Variants in RPS6KC1 observed in about 807,000 individuals in gnomAD.
RPS6KC1 encodes ribosomal protein S6 kinase C1.
In RPS6KC1, 54 loss-of-function variants were observed where a neutral mutation model predicts 103.8. That is an observed-to-expected ratio of 0.52 (90% confidence interval 0.42 to 0.65). RPS6KC1 has a LOEUF of 0.65. Ranked by LOEUF, RPS6KC1 falls within the 30% of genes least tolerant of loss-of-function variation. The pLI, the probability that RPS6KC1 is intolerant of heterozygous loss-of-function variation, is 0.00. For synonymous variants in RPS6KC1, 439 were observed against 438.7 expected (o/e 1.00, Z -0.01); for missense variants, 1,151 against 1,253.8 (o/e 0.92, Z 1.24).
At chr1:213,338,767 G>A in the RPS6KC1 span, among the ~76,000 whole-genome samples, 1 of 136,420 alleles carries the variant, frequency 7.3e-6, no homozygotes, top group Non-Finnish European at 1.5e-5. Flanking sequence ...AAGTCTTGCA[G>A]CATTTTTTTT....
At chr1:213,757,752 G>C in the RPS6KC1 span, among the ~76,000 whole-genome samples, 2 of 152,194 alleles carry the variant, frequency 1.3e-5, no homozygotes, top group Non-Finnish European at 2.9e-5. Context: ...TTCATAGCTG[G>C]AGAGAAGTCC....
At chr1:213,561,197 C>T in the RPS6KC1 span, among the ~76,000 whole-genome samples, 1 of 152,206 alleles carries the variant, frequency 6.6e-6, no homozygotes, top group African/African-American at 2.4e-5. Flanking sequence ...CTCATGACTG[C>T]CCCCTTATAG....
the RPS6KC1 span, among the ~76,000 whole-genome samples, chr1:213,430,312 A>G: frequency 1.3e-5 from 2 of 152,220 alleles, no homozygotes; most frequent in Non-Finnish European, 2.9e-5. Context: ...GACAGAGCTG[A>G]GAAAATGAGA....
In RPS6KC1 at chr1:213,051,534, T is replaced by C. The variant is rs760028554; in HGVS notation, c.105+25T>C. On this transcript the variant is annotated intron_variant, in intron 1 of 14. Transcript: ENST00000366960. Reference sequence around the variant, plus strand: ...GGTGAGTGCCGGTGTCGGGCTGGGGTAGAGCTTGGATTGGGACCTGAGGAT... The same window carrying C: ...GGTGAGTGCCGGTGTCGGGCTGGGGCAGAGCTTGGATTGGGACCTGAGGAT... 10 of 1,545,416 alleles carry C rather than the reference T, an allele frequency of 6.5e-6. No homozygotes were observed. In the African/African-American group the frequency reaches 9.6e-5, roughly 15 times the overall value.
rs2094967643 is a variant in RPS6KC1, at chr1:213,268,631, C to T, written c.3091-3893C>T. The stretch of plus-strand genomic sequence containing the variant: ...AAAGACATAAAATTGCATGTAGCAA[C>T]AATTATAAAACCATGCTATTGGGAT... On this transcript the variant is annotated intron_variant, in intron 14 of 14. Transcript: ENST00000366960. Among the ~76,000 whole-genome samples the T allele has an allele frequency of 2.0e-5, 3 of 147,664 alleles. No homozygotes were observed. In the South Asian group the frequency reaches 6.4e-4, roughly 31 times the overall value.
the RPS6KC1 span, among the ~76,000 whole-genome samples, chr1:213,327,903 C>T: frequency 6.6e-6 from 1 of 152,156 alleles, no homozygotes; most frequent in African/African-American, 2.4e-5. Context: ...ATCTCCTCAT[C>T]AATCCCATGT....
At chr1:213,839,633 T>C in the RPS6KC1 span, 12 of 152,208 alleles carry the variant, frequency 7.9e-5, no homozygotes, top group African/African-American at 2.9e-4. Context: ...GCAGGGTCAG[T>C]GTCATTTTGC....
At position 213,262,812 on chromosome 1, in the gene RPS6KC1, A is replaced by C; in HGVS notation, c.3086A>C (p.Gln1029Pro). 3 of 1,596,188 alleles carry C rather than the reference A, an allele frequency of 1.9e-6. No homozygotes were observed. The highest frequency in any genetic ancestry group is 2.6e-6 in the Non-Finnish European group (3 of 1,163,514). The change falls in exon 14 of 15, where the codon CAA (glutamine) becomes CCA (proline). Residue 1029 changes from glutamine (Q) to proline (P), a missense_variant. By Grantham distance (76) the Gln-to-Pro change is moderately conservative. This residue lies in a region of RPS6KC1 where 189 missense variants were observed against 228.8 expected (regional missense o/e 0.83). Transcript: ENST00000366960. Reference protein sequence around the residue: ...CVSEEARSLIQQLLQFNPLER... With the variant: ...CVSEEARSLIPQLLQFNPLER... ...TCTGAAGAGGCTCGCTCACTCATTC[A>C]ACAGGTAATTTAACTGACCTATTGG...
the RPS6KC1 span, among the ~76,000 whole-genome samples, chr1:213,757,309 T>C: frequency 3.9e-5 from 6 of 152,036 alleles, no homozygotes; most frequent in Admixed American, 3.9e-4. Context: ...CAAAAGAAAA[T>C]TTCTTAAAGG....
chr1:213,313,151 A>G, the RPS6KC1 span, among the ~76,000 whole-genome samples: 1 of 152,246 alleles, frequency 6.6e-6, no homozygotes, highest in Non-Finnish European at 1.5e-5. Flanking sequence ...TGACCCAGAA[A>G]CCCAAAGCTC....
chr1:213,167,983 A>G lies in RPS6KC1; in HGVS notation c.951+10A>G, dbSNP rs1448548909. The G allele has an allele frequency of 1.9e-6, 3 of 1,563,692 alleles. No individual in the cohort carries two copies. Among genetic ancestry groups the G allele is most frequent in the Non-Finnish European group, 1.8e-6 (2 of 1,136,548 alleles). ...TGATGATGTATCTCAGGTATGTCTC[A>G]TATTTTGTTGTGTGTTTTCTTCAGT... On this transcript the variant is annotated intron_variant, in intron 7 of 14. Transcript: ENST00000366960.
the RPS6KC1 span, among the ~76,000 whole-genome samples, chr1:213,439,457 A>G: frequency 5.9e-5 from 9 of 152,180 alleles, no homozygotes; most frequent in African/African-American, 2.2e-4. Context: ...TGGTGTGAGC[A>G]CTGACTCCAG....
At chr1:213,080,708 G>C (rs2079796134) in intron 3 of RPS6KC1, among the ~76,000 whole-genome samples, 1 of 152,086 alleles carries the variant, frequency 6.6e-6, no homozygotes, top group South Asian at 2.1e-4. Context: ...GGGACTATAG[G>C]CACATGCCAC....
At chr1:213,523,900 CG>C in the RPS6KC1 span, among the ~76,000 whole-genome samples, 2 of 152,078 alleles carry the variant, frequency 1.3e-5, no homozygotes, top group African/African-American at 2.4e-5. Flanking sequence ...CACCAGGGAA[CG>C]GGGGTAAGAC....
the RPS6KC1 span, among the ~76,000 whole-genome samples, chr1:213,806,811 A>G: frequency 1.3e-5 from 2 of 149,096 alleles, no homozygotes; most frequent in East Asian, 4.0e-4. Context: ...TGTGAATTTG[A>G]TCCTGTCATT....
the RPS6KC1 span, among the ~76,000 whole-genome samples, chr1:213,716,914 A>T: frequency 2.6e-5 from 4 of 152,378 alleles, no homozygotes; most frequent in African/African-American, 9.6e-5. Context: ...GAGAAAACCG[A>T]TGCAAACTAG....
At chr1:213,502,220 C>A in the RPS6KC1 span, among the ~76,000 whole-genome samples, 8 of 152,172 alleles carry the variant, frequency 5.3e-5, no homozygotes, top group Non-Finnish European at 1.0e-4. Context: ...GAAAATGGTG[C>A]CTTCCATCCT....
chr1:213,672,268 C>G, the RPS6KC1 span, among the ~76,000 whole-genome samples: 2 of 152,216 alleles, frequency 1.3e-5, no homozygotes, highest in East Asian at 1.9e-4. Flanking sequence ...CATATTTGGC[C>G]ACAACCTGAT....
chr1:213,416,377 G>C, the RPS6KC1 span, among the ~76,000 whole-genome samples: 3 of 152,238 alleles, frequency 2.0e-5, no homozygotes, highest in Non-Finnish European at 4.4e-5. Context: ...CTCTGAATTG[G>C]ACATTGGAGA....
Sources: gnomAD v4.1 joint callset for allele counts (sites outside exome capture counted in the v4.1 genomes callset) on GRCh38, gnomAD v4.1.1 for gene constraint, gnomAD v4.1.1 regional missense constraint, MANE v1.5 for transcripts, NCBI Gene and HGNC (gene_info 2026-07-23, HGNC 2026-07-21) for gene names.